The following POLI variants were observed in gnomAD, a reference collection of about 807,000 sequenced individuals.
POLI encodes the protein DNA polymerase iota.
A neutral mutation model predicts 51.6 loss-of-function variants in POLI; 58 were observed. That is an observed-to-expected ratio of 1.12 (90% confidence interval 0.91 to 1.40). The LOEUF (loss-of-function observed/expected upper bound fraction) is 1.40. POLI is among the 40% of genes most tolerant of loss of function. The probability of loss-of-function intolerance (pLI) is 0.00; values close to 1 mark genes in which losing one functional copy is unlikely to be tolerated. For synonymous variants in POLI, 322 were observed against 299.7 expected, an observed-to-expected ratio of 1.07 and a Z score of -0.77; for missense variants, 921 against 871.3, an observed-to-expected ratio of 1.06 and a Z score of -0.72.
chr18:54,311,088 G>C, intron 3 of POLI: 1 of 984,248 alleles, frequency 1.0e-6, no homozygotes, highest in Middle Eastern at 5.2e-4. Flanking sequence ...ATCTGTTGTA[G>C]AACTATGAAT....
intron 1 of POLI, 103 bp downstream of exon 1, chr18:54,269,764 G>A: frequency 7.2e-7 from 1 of 1,394,040 alleles, no homozygotes; most frequent in African/African-American, 1.5e-5. Context: ...GACCGTCCCC[G>A]CCCCACTCGG....
intron 2 of POLI, among the ~76,000 whole-genome samples, chr18:54,273,286 ATTATATT>A (rs892542961): frequency 1.1e-4 from 17 of 151,334 alleles, no homozygotes; most frequent in African/African-American, 3.4e-4. Flanking sequence ...TTATATACAT[ATTATATT>A]TTATATTGCT....
chr18:54,294,703 A>C lies in POLI; in HGVS notation c.*236A>C. 1 of 1,100,762 alleles carries C rather than the reference A, an allele frequency of 9.1e-7. No homozygotes were observed. Among genetic ancestry groups the C allele is most frequent in the Non-Finnish European group, 1.1e-6 (1 of 895,798 alleles). 68.2% of individuals were successfully genotyped at this position (1,100,762 alleles called of 1,614,324 possible). ...TAAAGCCATTTTATATTACTTTTCA[A>C]TAAAAAGAATATCATGGTCAACATA... On this transcript the variant is annotated 3_prime_UTR_variant, in exon 10 of 10. Coordinates refer to ENST00000579534, the MANE Select transcript of POLI (RefSeq NM_007195.3).
At chr18:54,275,301 C>T (rs562878968) in intron 3 of POLI, among the ~76,000 whole-genome samples, 78 of 152,060 alleles carry the variant, frequency 5.1e-4, no homozygotes, top group African/African-American at 1.8e-3. Context: ...AGCCTGAGTG[C>T]GCATGACAGA....
intron 3 of POLI, among the ~76,000 whole-genome samples, chr18:54,319,371 A>G (rs1568162921): frequency 1.3e-5 from 2 of 152,180 alleles, no homozygotes; most frequent in Admixed American, 6.6e-5. Flanking sequence ...AAACCATGGT[A>G]GAGAAGGGAC....
chr18:54,299,371 G>T (rs1004096565), downstream of POLI, among the ~76,000 whole-genome samples: 7 of 152,192 alleles, frequency 4.6e-5, no homozygotes, highest in East Asian at 1.3e-3. Context: ...GGAGGTGGAG[G>T]TTGCAGTGAA....
intron 8 of POLI, among the ~76,000 whole-genome samples, chr18:54,289,880 A>G (rs961564632): frequency 6.6e-6 from 1 of 152,228 alleles, no homozygotes; most frequent in African/African-American, 2.4e-5. Flanking sequence ...AAACCCTAGA[A>G]GAAAACCTAG....
At chr18:54,273,698 AT>A (rs2087111230) in intron 2 of POLI, among the ~76,000 whole-genome samples, 2 of 152,118 alleles carry the variant, frequency 1.3e-5, no homozygotes, top group South Asian at 4.1e-4. Context: ...TGGAAAAATA[AT>A]ACATTGGTAT....
Position 54,283,026 on chromosome 18 carries a change from A to G in POLI, c.975+11A>G, listed in dbSNP as rs374711216. ...TCAGGACCACCTCAGGTACATGATG[A>G]TACTTATTTTAATTAAGTACTGGTT... On this transcript the variant is annotated intron_variant, in intron 6 of 9. Transcript: ENST00000579534. 16 of 1,547,088 alleles carry G rather than the reference A, an allele frequency of 1.0e-5. No individual in the cohort carries two copies. The African/African-American group carries it at 1.2e-4, about 12-fold the overall frequency.
intron 3 of POLI, among the ~76,000 whole-genome samples, chr18:54,274,740 C>T (rs1233315471): frequency 7.2e-5 from 11 of 151,888 alleles, no homozygotes; most frequent in Admixed American, 5.2e-4. Context: ...CTTTTAATTG[C>T]GAAAACCGCA....
downstream of POLI, among the ~76,000 whole-genome samples, chr18:54,300,393 AAGAC>A (rs1171266980): frequency 8.5e-5 from 13 of 152,122 alleles, no homozygotes; most frequent in African/African-American, 3.1e-4. Context: ...TTACATCTTG[AAGAC>A]AGACTGTGAT....
chr18:54,290,541 G>T (rs2087958695), intron 8 of POLI, among the ~76,000 whole-genome samples: 2 of 152,162 alleles, frequency 1.3e-5, no homozygotes, highest in Admixed American at 1.3e-4. Flanking sequence ...TATGTTTATT[G>T]TGGCACTATT....
At chr18:54,301,492 G>T (rs2088490804), downstream of POLI, among the ~76,000 whole-genome samples, 2 of 152,072 alleles carry the variant, frequency 1.3e-5, no homozygotes, top group Admixed American at 1.3e-4. Flanking sequence ...CTTCATAATG[G>T]TGCAAAAACA....
At chr18:54,293,250 T>C (rs1303326602) in intron 9 of POLI, among the ~76,000 whole-genome samples, 1 of 151,974 alleles carries the variant, frequency 6.6e-6, no homozygotes. Context: ...TTTAGAATAG[T>C]AATTTTTGGA....
Position 54,296,865 on chromosome 18 carries a change from A to G in POLI, c.*2398A>G. On this transcript the variant is annotated 3_prime_UTR_variant, in exon 10 of 10. Transcript: ENST00000579534. Reference sequence around the variant, plus strand: ...TCTGTTTCTAATTTTTAAAAGTCAAATATATGATATTTTTGATAATTTCAA... The same window carrying G: ...TCTGTTTCTAATTTTTAAAAGTCAAGTATATGATATTTTTGATAATTTCAA... The G allele has an allele frequency of 1.2e-6, 1 of 833,204 alleles. No individual in the cohort carries two copies. The highest frequency in any genetic ancestry group is 1.4e-6 in the Non-Finnish European group (1 of 692,318). 51.6% of individuals were successfully genotyped at this position (833,204 alleles called of 1,614,324 possible). A position where few individuals can be genotyped will look rare whatever the true frequency, so the allele number is the denominator to read the frequency against.
chr18:54,317,540 T>C (rs930548324), intron 3 of POLI, among the ~76,000 whole-genome samples: 1 of 152,114 alleles, frequency 6.6e-6, no homozygotes, highest in Admixed American at 6.6e-5. Flanking sequence ...CTTTAAGTGG[T>C]GGATAAATTT....
At chr18:54,309,491 G>T (rs1012436458) in intron 3 of POLI, among the ~76,000 whole-genome samples, 1 of 152,170 alleles carries the variant, frequency 6.6e-6, no homozygotes, top group African/African-American at 2.4e-5. Flanking sequence ...GGCTGTATGA[G>T]GTGTCAGTTG....
At chr18:54,317,747 C>A (rs1372436556) in intron 3 of POLI, among the ~76,000 whole-genome samples, 1 of 152,058 alleles carries the variant, frequency 6.6e-6, no homozygotes, top group East Asian at 1.9e-4. Flanking sequence ...TGCCTGTAGT[C>A]CCAGCTACTT....
At chr18:54,278,692 G>A (rs2087362121) in intron 4 of POLI, among the ~76,000 whole-genome samples, 1 of 152,222 alleles carries the variant, frequency 6.6e-6, no homozygotes. Context: ...GACTGATGGT[G>A]TTTCCAGTGA....
Sources: gnomAD v4.1 joint callset for allele counts (sites outside exome capture counted in the v4.1 genomes callset) on GRCh38, gnomAD v4.1.1 for gene constraint, MANE v1.5 for transcripts, NCBI Gene and HGNC (gene_info 2026-07-23, HGNC 2026-07-21) for gene names.